Variants in FRMPD4 observed in about 807,000 individuals in gnomAD.
FRMPD4 encodes FERM and PDZ domain containing 4.
In FRMPD4, 22 loss-of-function variants were observed where a neutral mutation model predicts 94.1. That is an observed-to-expected ratio of 0.23 (90% CI 0.17 to 0.33). The LOEUF (loss-of-function observed/expected upper bound fraction) is 0.33, where lower values mean the gene tolerates loss of function less well. Among genes scored for constraint, FRMPD4 ranks in the 10% least tolerant of loss-of-function variants. FRMPD4 has a pLI of 1.00. For missense variants in FRMPD4, 1,111 were observed against 1,339.9 expected (o/e 0.83, Z 2.67); for synonymous variants, 631 against 548.6 (o/e 1.15, Z -2.10).
At chrX:11,859,581 C>A (rs986768502) in intron 1 of FRMPD4, among the ~76,000 whole-genome samples, 1 of 112,103 alleles carries the variant, frequency 8.9e-6, no homozygotes, top group African/African-American at 3.2e-5. Context: ...GCTTTAGAAG[C>A]TAAGTAGTTT....
intron 3 of FRMPD4, among the ~76,000 whole-genome samples, chrX:11,965,158 T>A (rs2054303820): frequency 8.9e-6 from 1 of 112,561 alleles, no homozygotes; most frequent in Admixed American, 9.4e-5. Context: ...CGTAACATAT[T>A]CACAGGTTCT....
chrX:12,647,020 C>T (rs1326213876), intron 4 of FRMPD4, among the ~76,000 whole-genome samples: 1 of 111,742 alleles, frequency 8.9e-6, no homozygotes, highest in Non-Finnish European at 1.9e-5. Context: ...TACATAGGCT[C>T]CCCTTAGTTA....
In FRMPD4 at chrX:12,701,942, C is replaced by T; in HGVS notation, c.1002C>T (p.Ala334=). The change falls in exon 10 of 17, where the codon GCC becomes GCT. Residue 334 remains alanine, a synonymous_variant. Coordinates refer to ENST00000675598, the MANE Select transcript of FRMPD4 (RefSeq NM_001368397.1). The part of the protein sequence containing the change: ...ELKYDIALRL[A]ALQMYIATVT... ...AATATGACATAGCCCTGCGGCTGGC[C>T]GCATTACAAATGTACATTGCAACCG... is the stretch of plus-strand genomic sequence containing the variant. 4 of 1,209,367 alleles carry T rather than the reference C, an allele frequency of 3.3e-6. No individual in the cohort carries two copies. Among genetic ancestry groups the T allele is most frequent in the Non-Finnish European group, 4.5e-6 (4 of 892,735 alleles).
chrX:12,672,839 A>T (rs141626367), intron 4 of FRMPD4, among the ~76,000 whole-genome samples: 4,509 of 111,989 alleles, frequency 0.04, 81 homozygotes, highest in Middle Eastern at 0.065. Flanking sequence ...ACTTAAGATG[A>T]GAGAAAACAA....
chrX:12,143,245 G>T (rs1035636314), intron 1 of FRMPD4, among the ~76,000 whole-genome samples: 1 of 112,438 alleles, frequency 8.9e-6, no homozygotes, highest in African/African-American at 3.2e-5. Context: ...ACAGGGGTTG[G>T]CATACTGTGG....
At chrX:11,853,546 A>T (rs2053637320) in intron 1 of FRMPD4, among the ~76,000 whole-genome samples, 1 of 111,576 alleles carries the variant, frequency 9.0e-6, no homozygotes, top group Non-Finnish European at 1.9e-5. Context: ...CAAGGGGGAT[A>T]TTACCACTTA....
chrX:12,399,537 G>A (rs972875762), intron 1 of FRMPD4, among the ~76,000 whole-genome samples: 2 of 111,561 alleles, frequency 1.8e-5, no homozygotes, highest in African/African-American at 3.3e-5. Context: ...AGCCTTACCA[G>A]TAACATAAAC....
intron 3 of FRMPD4, among the ~76,000 whole-genome samples, chrX:11,880,582 T>C (rs1316668255): frequency 8.9e-6 from 1 of 111,980 alleles, no homozygotes; most frequent in African/African-American, 3.2e-5. Context: ...CTGTGCAATT[T>C]TTTTTGTTTT....
intron 1 of FRMPD4, among the ~76,000 whole-genome samples, chrX:12,429,399 C>CTCTT (rs1410223868): frequency 1.2e-3 from 133 of 111,662 alleles, no homozygotes; most frequent in African/African-American, 4.1e-3. Flanking sequence ...TCTTGCCTCA[C>CTCTT]TCTTTCTCCC....
intron 2 of FRMPD4, among the ~76,000 whole-genome samples, chrX:11,877,722 T>C (rs1363577185): frequency 8.9e-6 from 1 of 112,430 alleles, no homozygotes; most frequent in Non-Finnish European, 1.9e-5. Context: ...TTGGAGCACG[T>C]GATTGTTTAA....
chrX:12,314,955 A>T lies in FRMPD4; in HGVS notation c.41+175943A>T, dbSNP rs772923127. ...CAGCTGCTGGGTTGCCTAAAGAAACATAAATGTGCCACAATTAATGCATTC... is the reference window on the plus strand; with the variant it reads ...CAGCTGCTGGGTTGCCTAAAGAAACTTAAATGTGCCACAATTAATGCATTC... On this transcript the variant is annotated intron_variant, in intron 1 of 16. Transcript: ENST00000675598. Among the ~76,000 whole-genome samples, 6 of 112,695 alleles carry T rather than the reference A, an allele frequency of 5.3e-5. No individual in the cohort carries two copies. In the East Asian group the frequency reaches 1.7e-3, roughly 31 times the overall value.
intron 3 of FRMPD4, among the ~76,000 whole-genome samples, chrX:12,063,595 G>T (rs1403562267): frequency 3.6e-5 from 4 of 112,013 alleles, no homozygotes; most frequent in African/African-American, 1.3e-4. Context: ...AAAATAAAAA[G>T]AAAAATAATT....
At chrX:12,691,270 G>GTTGTT (rs201868433) in intron 8 of FRMPD4, among the ~76,000 whole-genome samples, 121 of 110,416 alleles carry the variant, frequency 1.1e-3, no homozygotes, top group Non-Finnish European at 1.9e-3. Context: ...TTTTGTTGTT[G>GTTGTT]TTGTTTTGTT....
chrX:12,317,595 AAAAAAAAAC>A (rs1266391650), intron 1 of FRMPD4, among the ~76,000 whole-genome samples: 1 of 107,367 alleles, frequency 9.3e-6, no homozygotes, highest in East Asian at 2.8e-4. Context: ...CAAAAAAAAA[AAAAAAAAAC>A]AAAAAAAACA....
intron 1 of FRMPD4, among the ~76,000 whole-genome samples, chrX:12,216,578 A>T (rs914379413): frequency 9.0e-6 from 1 of 111,486 alleles, no homozygotes; most frequent in Non-Finnish European, 1.9e-5. Context: ...TCTTTGGAAT[A>T]TAAAATCCAC....
chrX:11,825,545 ATACT>A (rs1450663376), intron 1 of FRMPD4, among the ~76,000 whole-genome samples: 1 of 110,880 alleles, frequency 9.0e-6, no homozygotes, highest in African/African-American at 3.3e-5. Flanking sequence ...TCAGTGTTTA[ATACT>A]TAGTTGGACT....
At chrX:12,504,295 AT>A (rs909594357) in intron 2 of FRMPD4, among the ~76,000 whole-genome samples, 9 of 112,624 alleles carry the variant, frequency 8.0e-5, no homozygotes, top group Non-Finnish European at 1.5e-4. Context: ...AGTTTGCCTC[AT>A]TTTTTGTGGG....
chrX:12,646,257 C>A (rs1369252803), intron 4 of FRMPD4, among the ~76,000 whole-genome samples: 1 of 111,770 alleles, frequency 8.9e-6, no homozygotes, highest in Admixed American at 9.5e-5. Flanking sequence ...AGCCCAAATG[C>A]AGACTGTAAG....
At chrX:11,965,743 A>T (rs1472469965) in intron 3 of FRMPD4, among the ~76,000 whole-genome samples, 1 of 111,963 alleles carries the variant, frequency 8.9e-6, no homozygotes, top group Non-Finnish European at 1.9e-5. Context: ...AGCATCTTAA[A>T]TTTAAAAAAA....
Sources: allele counts gnomAD v4.1 joint callset (sites outside exome capture counted in the v4.1 genomes callset), GRCh38; gene constraint gnomAD v4.1.1; transcripts MANE v1.5; gene names NCBI Gene and HGNC (gene_info 2026-07-23, HGNC 2026-07-21).